PPP2R5C: variants seen among roughly 807,000 people sequenced by gnomAD.
PPP2R5C encodes the protein protein phosphatase 2 regulatory subunit B'gamma, also known as serine/threonine-protein phosphatase 2A 56 kDa regulatory subunit gamma isoform.
Under a neutral mutation model 68.9 loss-of-function variants are expected in PPP2R5C, and 7 were observed. The observed-to-expected ratio is 0.10, with a 90% CI of 0.06 to 0.19. PPP2R5C has a LOEUF of 0.19. Among genes scored for constraint, PPP2R5C ranks in the 10% least tolerant of loss-of-function variants. The probability of loss-of-function intolerance (pLI) is 1.00; values close to 1 mark genes in which losing one functional copy is unlikely to be tolerated. For missense variants in PPP2R5C, 348 were observed against 641.3 expected, an observed-to-expected ratio of 0.54 and a Z score of 4.94; for synonymous variants, 210 against 222.2, an observed-to-expected ratio of 0.95 and a Z score of 0.49.
At chr14:101,823,715 A>G (rs2040226505) in intron 1 of PPP2R5C, 1 of 1,012,188 alleles carries the variant, frequency 9.9e-7, no homozygotes, top group African/African-American at 1.7e-5. Flanking sequence ...GAGACCAGAT[A>G]CCGGACCAGC....
At chr14:101,771,222 C>CATGTGTGT in intron 2 of PPP2R5C, among the ~76,000 whole-genome samples, 1 of 135,490 alleles carries the variant, frequency 7.4e-6, no homozygotes, top group Non-Finnish European at 1.6e-5. Context: ...TTCTTCATCT[C>CATGTGTGT]GTGTGTGTGT....
chr14:101,840,294 T>C (rs571201818), intron 1 of PPP2R5C, among the ~76,000 whole-genome samples: 2 of 152,156 alleles, frequency 1.3e-5, no homozygotes, highest in South Asian at 2.1e-4. Context: ...CATTCTCTCA[T>C]AGTCTCAAAA....
chr14:101,897,791 T>C (rs1168448569), intron 8 of PPP2R5C, among the ~76,000 whole-genome samples: 1 of 149,960 alleles, frequency 6.7e-6, no homozygotes, highest in Non-Finnish European at 1.5e-5. Flanking sequence ...GAGGTTTTAC[T>C]GGAGAAAGTA....
chr14:101,858,065 G>A (rs1241061329), intron 2 of PPP2R5C, among the ~76,000 whole-genome samples: 1 of 152,094 alleles, frequency 6.6e-6, no homozygotes, highest in African/African-American at 2.4e-5. Flanking sequence ...CCATGTAGTC[G>A]GCCTAAGGAC....
Position 101,767,734 on chromosome 14 carries a change from C to T in PPP2R5C, c.93+4764C>T, listed in dbSNP as rs143053922. On this transcript the variant is annotated intron_variant, in intron 2 of 14. Coordinates refer to the PPP2R5C transcript ENST00000328724. Reference sequence around the variant, plus strand: ...TGGCTCCCTCTTCCCAGCGCCTCCCCATGGTCTTTCCTTAGAGCCCAGGGG... The same window carrying T: ...TGGCTCCCTCTTCCCAGCGCCTCCCTATGGTCTTTCCTTAGAGCCCAGGGG... 2.4e-3 allele frequency among the ~76,000 whole-genome samples: 359 copies of T among 152,338 alleles called. 3 individuals carry two copies. Among genetic ancestry groups the T allele is most frequent in the Middle Eastern group, 0.014 (4 of 294 alleles).
chr14:101,835,985 A>G lies in PPP2R5C; in HGVS notation c.95-20701A>G, dbSNP rs1402064256. Among the ~76,000 whole-genome samples, 1 of 152,238 alleles carries G rather than the reference A, an allele frequency of 6.6e-6. No homozygotes were observed. Among genetic ancestry groups the G allele is most frequent in the Admixed American group, 6.5e-5 (1 of 15,284 alleles). On this transcript the variant is annotated intron_variant, in intron 1 of 13. Transcript: ENST00000334743. This position sits in a 1 kb window ranked among gnomAD's most constrained non-coding sequence, Gnocchi z 5.0. ...ATTACCAGCATGTAGAAAATACCCA[A>G]TAATGATGAACTATTAGTATTCCTT...
intron 12 of PPP2R5C, chr14:101,914,250 G>A (rs1314248849): frequency 1.3e-5 from 6 of 452,646 alleles, no homozygotes; most frequent in Non-Finnish European, 2.7e-5. Context: ...CCTCATGTCT[G>A]TGTTGACGCC....
chr14:101,765,153 G>A (rs1055548423), intron 2 of PPP2R5C: 1 of 702,566 alleles, frequency 1.4e-6, no homozygotes, highest in African/African-American at 1.7e-5. Flanking sequence ...ATTTTTTCTA[G>A]TGCTACTGTC....
chr14:101,774,142 A>C (rs2037295873), intron 2 of PPP2R5C, among the ~76,000 whole-genome samples: 1 of 152,206 alleles, frequency 6.6e-6, no homozygotes, highest in South Asian at 2.1e-4. Context: ...TCTCAGATGA[A>C]GGGTTTCTTT....
intron 2 of PPP2R5C, among the ~76,000 whole-genome samples, chr14:101,768,614 C>G (rs1220722477): frequency 6.6e-6 from 1 of 152,032 alleles, no homozygotes; most frequent in African/African-American, 2.4e-5. Flanking sequence ...CCCCTGCACG[C>G]AAGCTGTTCT....
chr14:101,867,739 C>T (rs2043169285), intron 2 of PPP2R5C, among the ~76,000 whole-genome samples: 1 of 152,086 alleles, frequency 6.6e-6, no homozygotes, highest in Admixed American at 6.5e-5. Flanking sequence ...GATTGCACCA[C>T]TGCACTCCAG....
In PPP2R5C at chr14:101,916,656, G is replaced by C. The variant is rs558592706; in HGVS notation, c.1327-1175G>C. Among the ~76,000 whole-genome samples the C allele has an allele frequency of 2.6e-5, 4 of 151,658 alleles. No homozygotes were observed. The highest frequency in any genetic ancestry group is 6.6e-5 in the Admixed American group (1 of 15,240). ...CAGAGGATGAGGGCCAACACCAGAC[G>C]GTGGCTGAGAACGGAGCTGCTCTGG... On this transcript the variant is annotated intron_variant, in intron 12 of 13. Transcript: ENST00000334743. This position sits in a 1 kb window ranked among gnomAD's most constrained non-coding sequence, Gnocchi z 5.5.
At chr14:101,770,579 A>ATTTTGG (rs1313541292) in intron 2 of PPP2R5C, among the ~76,000 whole-genome samples, 3 of 152,228 alleles carry the variant, frequency 2.0e-5, no homozygotes, top group Non-Finnish European at 4.4e-5. Flanking sequence ...GAGTTCCAGA[A>ATTTTGG]AGCACATTGG....
Position 101,879,530 on chromosome 14 carries a change from C to G in PPP2R5C, c.295-2631C>G, listed in dbSNP as rs1011369141. On this transcript the variant is annotated intron_variant, in intron 2 of 13. Coordinates refer to ENST00000334743, the Ensembl canonical transcript of PPP2R5C. The surrounding 1 kb of genome is among the most constrained non-coding windows in gnomAD (Gnocchi z 4.2). The stretch of plus-strand genomic sequence containing the variant: ...TCAGGCCCTGATGTCACAGGCTGTT[C>G]CCAGAGTCTCCTGCCAGGCATAGTC... 1.3e-5 allele frequency among the ~76,000 whole-genome samples: 2 copies of G among 152,358 alleles called. No homozygotes were observed. Among genetic ancestry groups the G allele is most frequent in the East Asian group, 1.9e-4 (1 of 5,188 alleles).
At chr14:101,886,491 A>G (rs2044524237) in intron 5 of PPP2R5C, among the ~76,000 whole-genome samples, 1 of 151,788 alleles carries the variant, frequency 6.6e-6, no homozygotes, top group African/African-American at 2.4e-5. Flanking sequence ...TCTTTTCTGT[A>G]ATTGTGTGCA....
At chr14:101,761,663 G>A (rs1302450130), upstream of PPP2R5C, 1 of 188,528 alleles carries the variant, frequency 5.3e-6, no homozygotes, top group Non-Finnish European at 9.4e-6. Context: ...GCCGGCCGGG[G>A]GAGGGGCGGA....
rs578088408 is a variant in PPP2R5C, at chr14:101,821,569, G to A, written c.94+11533G>A. On this transcript the variant is annotated intron_variant, in intron 1 of 13. Coordinates refer to ENST00000334743, the Ensembl canonical transcript of PPP2R5C. ...TTTCATTTCTTTAAAAAATTGACAT[G>A]AGAGCAGTTTTAGTAACAAAAACCT... 7.3e-5 allele frequency among the ~76,000 whole-genome samples: 11 copies of A among 151,712 alleles called. No individual in the cohort carries two copies. In the East Asian group the frequency reaches 2.1e-3, roughly 29 times the overall value.
chr14:101,922,344 C>A (rs2047054217), intron 13 of PPP2R5C: 2 of 294,996 alleles, frequency 6.8e-6, no homozygotes, highest in Non-Finnish European at 1.0e-5. Flanking sequence ...AAAAAATTAG[C>A]CGGACGTGGT....
At chr14:101,777,482 T>C (rs541007442) in intron 2 of PPP2R5C, among the ~76,000 whole-genome samples, 5 of 152,030 alleles carry the variant, frequency 3.3e-5, no homozygotes, top group Non-Finnish European at 5.9e-5. Flanking sequence ...CCCAAGTAGC[T>C]GGGATTACAG....
Sources: allele counts gnomAD v4.1 joint callset (sites outside exome capture counted in the v4.1 genomes callset), GRCh38; gene constraint gnomAD v4.1.1; non-coding constraint Gnocchi (gnomAD v3.1); transcripts MANE v1.5; gene names NCBI Gene and HGNC (gene_info 2026-07-23, HGNC 2026-07-21).